The following CPNE4 variants were observed in gnomAD, a reference collection of about 807,000 sequenced individuals.
The protein encoded by CPNE4 is copine-4.
Under a neutral mutation model 67.9 loss-of-function variants are expected in CPNE4, and 25 were observed. The observed-to-expected ratio is 0.37, with a 90% CI of 0.27 to 0.51. The LOEUF (loss-of-function observed/expected upper bound fraction) is 0.51. Ranked by LOEUF, CPNE4 falls within the 20% of genes least tolerant of loss-of-function variation. The probability of loss-of-function intolerance (pLI) is 0.93; values close to 1 mark genes in which losing one functional copy is unlikely to be tolerated. For synonymous variants in CPNE4, 242 were observed against 244.9 expected (o/e 0.99, Z 0.11); for missense variants, 464 against 690.8 (o/e 0.67, Z 3.68).
At chr3:131,555,640 G>A in intron 11 of CPNE4, 89 bp from the exon 12 acceptor site, 1 of 1,148,168 alleles carries the variant, frequency 8.7e-7, no homozygotes, top group Non-Finnish European at 1.3e-6. Context: ...ACATTACTAG[G>A]TTGCTAGGCC....
At chr3:131,822,140 G>A (rs183753152) in intron 2 of CPNE4, among the ~76,000 whole-genome samples, 2 of 152,104 alleles carry the variant, frequency 1.3e-5, no homozygotes, top group Admixed American at 1.3e-4. Flanking sequence ...TAAAGCTAAC[G>A]CAAGGGCCAA....
At chr3:131,564,753 A>G (rs115917473) in intron 10 of CPNE4, among the ~76,000 whole-genome samples, 1,943 of 152,120 alleles carry the variant, frequency 0.013, 51 homozygotes, top group African/African-American at 0.044. Context: ...CATAGGTAAG[A>G]TCCCTTAAAA....
intron 2 of CPNE4, among the ~76,000 whole-genome samples, chr3:131,747,471 GTTTGTTT>G (rs1435467456): frequency 6.7e-6 from 1 of 149,026 alleles, no homozygotes; most frequent in Non-Finnish European, 1.5e-5. Context: ...AACTTTTTTT[GTTTGTTT>G]TTTGTTTTTT....
At chr3:131,828,055 A>G (rs1368986414) in intron 2 of CPNE4, among the ~76,000 whole-genome samples, 4 of 152,102 alleles carry the variant, frequency 2.6e-5, no homozygotes, top group African/African-American at 9.7e-5. Flanking sequence ...TAAGTCATAT[A>G]TATGGCAGTA....
At chr3:132,020,737 T>G (rs571935300) in intron 1 of CPNE4, among the ~76,000 whole-genome samples, 1 of 152,316 alleles carries the variant, frequency 6.6e-6, no homozygotes, top group South Asian at 2.1e-4. Flanking sequence ...AGTGTGATTT[T>G]CACCTATGAT....
chr3:131,801,992 G>A (rs2084149698), intron 2 of CPNE4, among the ~76,000 whole-genome samples: 2 of 151,942 alleles, frequency 1.3e-5, no homozygotes, highest in African/African-American at 4.8e-5. Flanking sequence ...GAAATAGGGT[G>A]GGGGAAGTTC....
intron 7 of CPNE4, among the ~76,000 whole-genome samples, chr3:131,624,568 A>T (rs755195404): frequency 3.3e-5 from 5 of 152,140 alleles, no homozygotes; most frequent in Non-Finnish European, 5.9e-5. Context: ...ATTTTCTAGA[A>T]AGCCTATTAA....
At position 131,880,149 on chromosome 3, in the gene CPNE4, C is replaced by T. The variant is rs1253613142; in HGVS notation, c.180+25115G>A. On this transcript the variant is annotated intron_variant, in intron 2 of 15. Transcript: ENST00000429747. ...ATATACATATTTTTTTTTTTTGAGA[C>T]GGAGTTTTACTCTGTTGCCCAGGCT... Among the ~76,000 whole-genome samples, 4 of 135,682 alleles carry T rather than the reference C, an allele frequency of 2.9e-5. No individual in the cohort carries two copies. The Admixed American group carries it at 3.1e-4, about 11-fold the overall frequency. 89.0% of individuals were successfully genotyped at this position (135,682 alleles called of 152,430 possible).
intron 5 of CPNE4, among the ~76,000 whole-genome samples, chr3:131,690,544 AT>A (rs1185821001): frequency 6.6e-6 from 1 of 152,202 alleles, no homozygotes; most frequent in African/African-American, 2.4e-5. Flanking sequence ...TTAATTCAAG[AT>A]TGAATAAAAC....
rs58502463 is a variant in CPNE4 at position 131,792,925 on chromosome 3, G to GTGTGTGTGTGTATCTATA, written c.181-69301_181-69300insTATAGATACACACACACA. Among the ~76,000 whole-genome samples the GTGTGTGTGTGTATCTATA allele has an allele frequency of 6.5e-3, 877 of 135,196 alleles. 17 individuals are homozygous for GTGTGTGTGTGTATCTATA. The highest frequency in any genetic ancestry group is 0.023 in the African/African-American group (794 of 34,958). 88.7% of individuals were successfully genotyped at this position (135,196 alleles called of 152,430 possible). ...TGTGTGTGTGTGTGTGTGTGTGTGT[G>GTGTGTGTGTGTATCTATA]TATCTCCAACAAAACATGCCAAAAC... On this transcript the variant is annotated intron_variant, in intron 2 of 15. Transcript: ENST00000429747.
chr3:132,039,568 C>T (rs926372048), upstream of CPNE4: 1 of 152,158 alleles, frequency 6.6e-6, no homozygotes, highest in Admixed American at 6.5e-5. Flanking sequence ...TGTGTCTTTC[C>T]AGTTTCCTTT....
At chr3:131,847,982 C>T (rs1008299877) in intron 2 of CPNE4, among the ~76,000 whole-genome samples, 12 of 152,278 alleles carry the variant, frequency 7.9e-5, no homozygotes, top group Non-Finnish European at 1.5e-4. Context: ...ATCTCCTAAA[C>T]ACTCTTCTTC....
At chr3:131,553,144 G>A (rs1275023990) in intron 12 of CPNE4, among the ~76,000 whole-genome samples, 3 of 151,916 alleles carry the variant, frequency 2.0e-5, no homozygotes, top group South Asian at 2.1e-4. Context: ...TTTTCTTTCC[G>A]AAAACCTGAT....
chr3:131,681,225 C>G (rs756768421), intron 6 of CPNE4, among the ~76,000 whole-genome samples: 18 of 152,130 alleles, frequency 1.2e-4, no homozygotes, highest in Non-Finnish European at 2.2e-4. Context: ...TGTGTATTTG[C>G]TATTACCAGT....
chr3:131,643,204 G>T (rs2079580735), intron 7 of CPNE4, among the ~76,000 whole-genome samples: 1 of 152,286 alleles, frequency 6.6e-6, no homozygotes, highest in African/African-American at 2.4e-5. Flanking sequence ...AGAGTTTGGT[G>T]GCATTTTGCC....
At chr3:131,610,234 A>C (rs1939755923) in intron 7 of CPNE4, among the ~76,000 whole-genome samples, 1 of 152,210 alleles carries the variant, frequency 6.6e-6, no homozygotes, top group Non-Finnish European at 1.5e-5. Context: ...TAATCTAGCA[A>C]GAAACACAGA....
intron 2 of CPNE4, among the ~76,000 whole-genome samples, chr3:131,863,322 C>T (rs1257565667): frequency 5.9e-5 from 9 of 152,116 alleles, no homozygotes; most frequent in South Asian, 2.1e-4. Context: ...TACAGTCCCA[C>T]CAACAGTGTA....
At chr3:131,940,265 G>T (rs7610352) in intron 1 of CPNE4, among the ~76,000 whole-genome samples, 27,095 of 151,954 alleles carry the variant, frequency 0.18, 2,790 homozygotes, top group East Asian at 0.35. Context: ...ATTAACCATG[G>T]CTATTAAAAA....
intron 2 of CPNE4, among the ~76,000 whole-genome samples, chr3:131,904,112 C>G (rs906494281): frequency 2.0e-5 from 3 of 152,176 alleles, no homozygotes; most frequent in Admixed American, 1.3e-4. Flanking sequence ...AAAGGAGCAG[C>G]TGCCTTGCAC....
Sources: allele counts gnomAD v4.1 joint callset (sites outside exome capture counted in the v4.1 genomes callset), GRCh38; gene constraint gnomAD v4.1.1; transcripts MANE v1.5; gene names NCBI Gene and HGNC (gene_info 2026-07-23, HGNC 2026-07-21).